ANK1: variants seen among roughly 807,000 people sequenced by gnomAD.
ANK1 encodes ankyrin-1.
ANK1 carries 51 observed loss-of-function variants against 210.4 expected under a neutral mutation model. The observed-to-expected ratio is 0.24, with a 90% CI of 0.19 to 0.31. The LOEUF is 0.31. ANK1 is among the 10% of genes least tolerant of loss of function. The pLI is 1.00. For missense variants in ANK1, 2,051 were observed against 2,504.4 expected, an observed-to-expected ratio of 0.82 and a Z score of 3.86; for synonymous variants, 967 against 1,025.9, an observed-to-expected ratio of 0.94 and a Z score of 1.10.
intron 1 of ANK1, among the ~76,000 whole-genome samples, chr8:41,886,355 A>T (rs2150834610): frequency 6.6e-6 from 1 of 152,192 alleles, no homozygotes; most frequent in East Asian, 1.9e-4. Context: ...GGTGGGTATT[A>T]TTCTCTCCAC....
At chr8:41,801,643 T>C (rs1362660660), upstream of ANK1, among the ~76,000 whole-genome samples, 1 of 152,344 alleles carries the variant, frequency 6.6e-6, no homozygotes, top group East Asian at 1.9e-4. Context: ...CACATGTTTA[T>C]GGGCCATTTA....
intron 37 of ANK1, among the ~76,000 whole-genome samples, chr8:41,679,648 C>T (rs1462610975): frequency 3.4e-5 from 5 of 145,886 alleles, no homozygotes; most frequent in South Asian, 2.2e-4. Context: ...CTGCAAGCTC[C>T]GCCTCCCGGG....
chr8:41,867,410 CA>C (rs1288936565), intron 1 of ANK1, among the ~76,000 whole-genome samples: 1 of 152,162 alleles, frequency 6.6e-6, no homozygotes, highest in African/African-American at 2.4e-5. Flanking sequence ...CAAAATAATA[CA>C]AATCTCCTAA....
At chr8:41,753,052 C>T (rs939395395) in intron 2 of ANK1, among the ~76,000 whole-genome samples, 9 of 147,840 alleles carry the variant, frequency 6.1e-5, no homozygotes, top group Admixed American at 5.5e-4. Context: ...TGGCCACTGC[C>T]GCAGGCTCTT....
At chr8:41,835,011 A>T (rs1164854855) in intron 1 of ANK1, among the ~76,000 whole-genome samples, 3 of 152,236 alleles carry the variant, frequency 2.0e-5, no homozygotes, top group Non-Finnish European at 4.4e-5. Context: ...CGGCTAAAGG[A>T]CCTCACGAGG....
chr8:41,754,759 G>T (rs1586721072), intron 2 of ANK1, among the ~76,000 whole-genome samples: 2 of 152,182 alleles, frequency 1.3e-5, no homozygotes, highest in Admixed American at 1.3e-4. Flanking sequence ...GCAGGCATGG[G>T]TTCAGCCACT....
intron 35 of ANK1, among the ~76,000 whole-genome samples, chr8:41,686,996 C>T (rs2150581333): frequency 6.6e-6 from 1 of 152,296 alleles, no homozygotes; most frequent in East Asian, 1.9e-4. Flanking sequence ...CATACACGTG[C>T]ATACACACAT....
At position 41,722,977 on chromosome 8, in the gene ANK1, A is replaced by G. The variant is rs942940930; in HGVS notation, c.909+148T>C. On this transcript the variant is annotated intron_variant, in intron 9 of 42. Transcript: ENST00000289734. ...ATTAGAGCTACACTGAGAGTCTCCT[A>G]CGTGATAGGCCTTGTAATAAATGTC... The G allele has an allele frequency of 5.7e-5, 45 of 783,810 alleles. No homozygotes were observed. In the African/African-American group the frequency reaches 6.1e-4, roughly 11 times the overall value. 48.6% of individuals were successfully genotyped at this position (783,810 alleles called of 1,614,324 possible). A position where few individuals can be genotyped will look rare whatever the true frequency, so the allele number is the denominator to read the frequency against.
chr8:41,663,114 C>CTCTGTGTG (rs1554517870), intron 40 of ANK1, among the ~76,000 whole-genome samples: 445 of 145,224 alleles, frequency 3.1e-3, no homozygotes, highest in African/African-American at 8.6e-3. Context: ...CTCTCTCTCT[C>CTCTGTGTG]TGTGTGTGTG....
At chr8:41,758,740 C>T (rs1302846524) in intron 1 of ANK1, among the ~76,000 whole-genome samples, 1 of 152,144 alleles carries the variant, frequency 6.6e-6, no homozygotes, top group Non-Finnish European at 1.5e-5. Context: ...CACAGCACAG[C>T]CTGGTGTCTC....
chr8:41,780,513 G>A (rs554660212), intron 1 of ANK1, among the ~76,000 whole-genome samples: 320 of 152,308 alleles, frequency 2.1e-3, no homozygotes, highest in Admixed American at 5.6e-3. Flanking sequence ...CCCACCCAGC[G>A]GGTGCAGAGG....
chr8:41,684,229 C>T (rs568784136), intron 37 of ANK1, among the ~76,000 whole-genome samples: 25 of 152,350 alleles, frequency 1.6e-4, no homozygotes, highest in African/African-American at 5.3e-4. Context: ...AGCTAGAGGC[C>T]TCTGACTCAG....
intron 1 of ANK1, among the ~76,000 whole-genome samples, chr8:41,883,049 G>C (rs149438553): frequency 1.3e-5 from 2 of 151,954 alleles, no homozygotes; most frequent in East Asian, 1.9e-4. Flanking sequence ...AGAGTCACAG[G>C]GTTGCCTGAT....
chr8:41,750,840 A>G (rs141903353), intron 2 of ANK1, among the ~76,000 whole-genome samples: 277 of 152,308 alleles, frequency 1.8e-3, no homozygotes, highest in African/African-American at 6.3e-3. Context: ...TGAGTTGTGG[A>G]CGACAAAGCT....
At chr8:41,872,311 C>T (rs1396264402) in intron 1 of ANK1, among the ~76,000 whole-genome samples, 2 of 152,230 alleles carry the variant, frequency 1.3e-5, no homozygotes, top group African/African-American at 2.4e-5. Flanking sequence ...TCTGTCCAGC[C>T]GCCCACCCCA....
At chr8:41,808,267 A>C (rs1163578214) in intron 1 of ANK1, among the ~76,000 whole-genome samples, 1 of 152,210 alleles carries the variant, frequency 6.6e-6, no homozygotes, top group Non-Finnish European at 1.5e-5. Context: ...TTCCAGAGCA[A>C]CTTTTCCTGA....
At chr8:41,656,092 C>T (rs1319888798) in intron 42 of ANK1, among the ~76,000 whole-genome samples, 3 of 152,360 alleles carry the variant, frequency 2.0e-5, no homozygotes, top group Non-Finnish European at 2.9e-5. Flanking sequence ...CAGAGGCCCC[C>T]GTGCCTACGT....
chr8:41,675,298 T>C lies in ANK1; in HGVS notation c.4538-2386A>G, dbSNP rs1032156109. On this transcript the variant is annotated intron_variant, in intron 37 of 42. Coordinates refer to ENST00000289734, the MANE Select transcript of ANK1 (RefSeq NM_000037.4). Reference sequence around the variant, plus strand: ...TTTTAGTAGAGATGGGGTTTCACCCTGTTGGCCAGGCTGGTCTCGAACTGC... The same window carrying C: ...TTTTAGTAGAGATGGGGTTTCACCCCGTTGGCCAGGCTGGTCTCGAACTGC... Among the ~76,000 whole-genome samples the C allele has an allele frequency of 2.6e-5, 4 of 152,210 alleles. No individual in the cohort carries two copies. In the South Asian group the frequency reaches 8.3e-4, roughly 31 times the overall value.
intron 1 of ANK1, among the ~76,000 whole-genome samples, chr8:41,802,997 GAAAGAA>G (rs1456305415): frequency 1.3e-4 from 7 of 53,938 alleles, no homozygotes; most frequent in Non-Finnish European, 1.9e-4. Context: ...GAGAAAGAGA[GAAAGAA>G]AGAAAGAAAG....
Sources: allele counts gnomAD v4.1 joint callset (sites outside exome capture counted in the v4.1 genomes callset), GRCh38; gene constraint gnomAD v4.1.1; transcripts MANE v1.5; gene names NCBI Gene and HGNC (gene_info 2026-07-23, HGNC 2026-07-21).